The following EIF4E variants were observed in gnomAD, a reference collection of about 807,000 sequenced individuals.
EIF4E encodes the protein eukaryotic translation initiation factor 4E.
For synonymous variants in EIF4E, 71 were observed against 88.5 expected (o/e 0.80, Z 1.11); for missense variants, 113 against 265.6 (o/e 0.43, Z 3.99).
At chr4:98,898,268 T>TA (rs986437695) in intron 2 of EIF4E, among the ~76,000 whole-genome samples, 4 of 152,168 alleles carry the variant, frequency 2.6e-5, no homozygotes, top group Non-Finnish European at 5.9e-5. Flanking sequence ...CTTAACTCCA[T>TA]AGACTGAAGG....
intron 5 of EIF4E, chr4:98,886,453 C>T: frequency 2.2e-6 from 1 of 445,452 alleles, no homozygotes; most frequent in Non-Finnish European, 4.5e-6. Flanking sequence ...GTGACTCACA[C>T]CTGTAATTCC....
At chr4:98,902,310 T>G (rs1402959108) in intron 1 of EIF4E, among the ~76,000 whole-genome samples, 1 of 152,196 alleles carries the variant, frequency 6.6e-6, no homozygotes, top group Non-Finnish European at 1.5e-5. Flanking sequence ...GACCTTGTGA[T>G]TCACCTGCCT....
rs374891583 is a variant in EIF4E at position 98,881,149 on chromosome 4, GAAA to G, written c.540-10_540-8del. ...CCTTTCCTTGTATACCCTCCTAGAA[GAAA>G]AAAAAAAAGAAGAAGAAAAAAGTAG... is the stretch of plus-strand genomic sequence containing the variant. On this transcript the variant is annotated splice_region_variant and splice_polypyrimidine_tract_variant and intron_variant, in intron 6 of 6. Coordinates refer to ENST00000450253, the MANE Select transcript of EIF4E (RefSeq NM_001968.5). The G allele has an allele frequency of 1.6e-6, 2 of 1,263,512 alleles. No individual in the cohort carries two copies. The highest frequency in any genetic ancestry group is 2.3e-5 in the Admixed American group (1 of 44,166). 78.3% of individuals were successfully genotyped at this position (1,263,512 alleles called of 1,614,324 possible). A position where few individuals can be genotyped will look rare whatever the true frequency, so the allele number is the denominator to read the frequency against.
At chr4:98,914,357 G>A (rs1244564085) in intron 1 of EIF4E, among the ~76,000 whole-genome samples, 3 of 67,700 alleles carry the variant, frequency 4.4e-5, no homozygotes, top group African/African-American at 2.4e-4. Context: ...GCCAGACTCC[G>A]TCTCAAAAAA....
Position 98,909,529 on chromosome 4 carries a change from TAA to T in EIF4E, c.19-7549_19-7548del. 3 of 619,222 alleles carry T rather than the reference TAA, an allele frequency of 4.8e-6. 1 individual carries two copies. In the Admixed American group the frequency reaches 9.7e-5, roughly 20 times the overall value. The allele number at this position is 619,222 out of a possible 1,614,324, so 38.4% of individuals were successfully genotyped here. A position where few individuals can be genotyped will look rare whatever the true frequency, so the allele number is the denominator to read the frequency against. ...TTTAATGCAAAAAACACCCTGTACA[TAA>T]AAGTTTCAGGCTTCTAACTCCACTG... On this transcript the variant is annotated intron_variant, in intron 1 of 6. Transcript: ENST00000450253.
At chr4:98,890,318 A>T (rs1474370589) in intron 3 of EIF4E, among the ~76,000 whole-genome samples, 1 of 152,210 alleles carries the variant, frequency 6.6e-6, no homozygotes, top group Non-Finnish European at 1.5e-5. Flanking sequence ...CTAAAAAAAG[A>T]TGTACAAGTT....
intron 1 of EIF4E, among the ~76,000 whole-genome samples, chr4:98,920,038 T>C (rs1158237421): frequency 6.6e-6 from 1 of 152,220 alleles, no homozygotes; most frequent in Non-Finnish European, 1.5e-5. Flanking sequence ...AAAAATACCC[T>C]TTCCATTATC....
At chr4:98,893,275 T>C (rs917109066) in intron 2 of EIF4E, among the ~76,000 whole-genome samples, 18 of 152,278 alleles carry the variant, frequency 1.2e-4, no homozygotes, top group African/African-American at 3.4e-4. Flanking sequence ...CTGATCAGAG[T>C]AGTGGTTGCT....
Position 98,896,056 on chromosome 4 carries a change from C to A in EIF4E, c.126-4724G>T, listed in dbSNP as rs1002834639. 8.6e-5 allele frequency among the ~76,000 whole-genome samples: 13 copies of A among 151,292 alleles called. 1 individual carries two copies. The South Asian group carries it at 1.5e-3, about 17-fold the overall frequency. On this transcript the variant is annotated intron_variant, in intron 2 of 6. Transcript: ENST00000450253. ...ACTAAAAATACAAAAATTGGCTAGG[C>A]GTGGTGGCACGCGCCTGTAGTCCCA... is the stretch of plus-strand genomic sequence containing the variant.
chr4:98,918,372 A>G (rs1014111583), intron 1 of EIF4E, among the ~76,000 whole-genome samples: 1 of 151,658 alleles, frequency 6.6e-6, no homozygotes, highest in African/African-American at 2.4e-5. Flanking sequence ...AAAAAAAAAA[A>G]AAAGAAAGAA....
intron 6 of EIF4E, among the ~76,000 whole-genome samples, chr4:98,881,709 G>A (rs1579144451): frequency 6.6e-6 from 1 of 152,242 alleles, no homozygotes; most frequent in East Asian, 1.9e-4. Flanking sequence ...AACACTTTGA[G>A]GGAGATTAAA....
At chr4:98,917,129 CACACAAA>C (rs1266812125) in intron 1 of EIF4E, among the ~76,000 whole-genome samples, 2 of 60,916 alleles carry the variant, frequency 3.3e-5, no homozygotes, top group African/African-American at 1.9e-4. Flanking sequence ...CACACACACA[CACACAAA>C]AAAAACCCAA....
intron 1 of EIF4E, among the ~76,000 whole-genome samples, chr4:98,917,152 C>T (rs1464448936): frequency 2.0e-5 from 3 of 148,758 alleles, no homozygotes; most frequent in African/African-American, 7.4e-5. Flanking sequence ...CCCAAATGCT[C>T]AAGTGTCCAG....
chr4:98,890,045 T>C (rs957850606), intron 3 of EIF4E, among the ~76,000 whole-genome samples: 2 of 152,228 alleles, frequency 1.3e-5, no homozygotes, highest in Non-Finnish European at 2.9e-5. Context: ...AAGTTTACTC[T>C]CAAATGAATG....
intron 2 of EIF4E, among the ~76,000 whole-genome samples, chr4:98,898,337 G>A (rs539780478): frequency 2.0e-5 from 3 of 152,180 alleles, no homozygotes; most frequent in East Asian, 1.9e-4. Flanking sequence ...GGCCAGGTGC[G>A]GTGGCTCATG....
At chr4:98,908,048 C>T (rs1724953717) in intron 1 of EIF4E, among the ~76,000 whole-genome samples, 1 of 152,100 alleles carries the variant, frequency 6.6e-6, no homozygotes, top group African/African-American at 2.4e-5. Flanking sequence ...AAATCACTAA[C>T]ATTCATATCC....
chr4:98,915,698 G>A (rs944774534), intron 1 of EIF4E, among the ~76,000 whole-genome samples: 1 of 151,538 alleles, frequency 6.6e-6, no homozygotes, highest in African/African-American at 2.4e-5. Flanking sequence ...CCGCCACCAT[G>A]CCCAGCTAAT....
chr4:98,905,475 T>C lies in EIF4E; in HGVS notation c.19-3493A>G, dbSNP rs1724833831. 1.3e-5 allele frequency among the ~76,000 whole-genome samples: 2 copies of C among 152,052 alleles called. 1 individual carries two copies. The highest frequency in any genetic ancestry group is 4.1e-4 in the South Asian group (2 of 4,832). On this transcript the variant is annotated intron_variant, in intron 1 of 6. Coordinates refer to ENST00000450253, the MANE Select transcript of EIF4E (RefSeq NM_001968.5). Reference sequence around the variant, plus strand: ...CTGTGTTCATCCAGGTAGTGACCAATGTGGCTGAAAGAGAGGGTTCATGAA... The same window carrying C: ...CTGTGTTCATCCAGGTAGTGACCAACGTGGCTGAAAGAGAGGGTTCATGAA...
chr4:98,922,581 G>A (rs970302352), intron 1 of EIF4E, among the ~76,000 whole-genome samples: 4 of 151,328 alleles, frequency 2.6e-5, no homozygotes, highest in African/African-American at 9.7e-5. Context: ...AAATAAATGA[G>A]TTAATATATG....
Sources: allele counts gnomAD v4.1 joint callset (sites outside exome capture counted in the v4.1 genomes callset), GRCh38; gene constraint gnomAD v4.1.1; transcripts MANE v1.5; gene names NCBI Gene and HGNC (gene_info 2026-07-23, HGNC 2026-07-21).